TTN: variants seen among roughly 807,000 people sequenced by gnomAD.
TTN encodes titin, also known as connectin.
In TTN, 1,525 loss-of-function variants were observed where a neutral mutation model predicts 3,223.0. That is an observed-to-expected ratio of 0.47 (90% CI 0.45 to 0.49). The LOEUF (loss-of-function observed/expected upper bound fraction) is 0.49. Ranked by LOEUF, TTN falls within the 20% of genes least tolerant of loss-of-function variation. TTN has a pLI of 0.00. For missense variants in TTN, 40,786 were observed against 43,424.0 expected, an observed-to-expected ratio of 0.94 and a Z score of 5.40; for synonymous variants, 14,094 against 15,161.0, an observed-to-expected ratio of 0.93 and a Z score of 5.17.
intron 313 of TTN, 143 bp from the exon 314 acceptor site, chr2:178,582,735 C>T: frequency 1.0e-6 from 1 of 970,894 alleles, no homozygotes; most frequent in Non-Finnish European, 1.4e-6. Flanking sequence ...ATCTTAGTTT[C>T]TTCACTTGTA....
chr2:178,785,602 T>C lies in TTN; in HGVS notation c.2493+18A>G, dbSNP rs750885375. On this transcript the variant is annotated intron_variant, in intron 15 of 362. Coordinates refer to ENST00000589042, the MANE Select transcript of TTN (RefSeq NM_001267550.2). ...ATTTCCTTTAAACATTTCTGTATCA[T>C]GCTCTGTAACTTCTTACCTCATATC... is the stretch of plus-strand genomic sequence containing the variant. The C allele has an allele frequency of 4.6e-5, 75 of 1,613,822 alleles. No homozygotes were observed. The highest frequency in any genetic ancestry group is 6.7e-5 in the East Asian group (3 of 44,878).
rs994185289 is a variant in TTN at position 178,764,152 on chromosome 2, T to C, written c.10114+25A>G. 3.7e-6 allele frequency: 6 copies of C among 1,613,964 alleles called. No homozygotes were observed. The African/African-American group carries it at 8.0e-5, about 22-fold the overall frequency. On this transcript the variant is annotated intron_variant, in intron 43 of 362. Coordinates refer to ENST00000589042, the MANE Select transcript of TTN (RefSeq NM_001267550.2). ...TGTAATTATTTGTAAGTATTGGCAA[T>C]GACACCTTTTGTTCTTAAACCTACC...
At position 178,531,968 on chromosome 2, in the gene TTN, G is replaced by T; in HGVS notation, c.104647C>A (p.Arg34883Ser). The change falls in exon 358 of 363, where the codon CGC (arginine) becomes AGC (serine). Residue 34883 changes from arginine to serine, a missense_variant. Physicochemically the swap from Arg to Ser is moderately radical, Grantham distance 110 (BLOSUM62 -1). Coordinates refer to ENST00000589042, the MANE Select transcript of TTN (RefSeq NM_001267550.2). ...GACACAGGGCTGGGGGATCGTGGGC[G>T]AGTTCTCTCTGGAGTAGGTGACCTT... ...ERRSPTPERT[R>S]PRSPSPVSSE... 1 of 1,613,712 alleles carries T rather than the reference G, an allele frequency of 6.2e-7. No homozygotes were observed. The highest frequency in any genetic ancestry group is 8.5e-7 in the Non-Finnish European group (1 of 1,179,792).
chr2:178,612,621 C>T (rs760919201), intron 265 of TTN, 45 bp from the exon 266 acceptor site: 8 of 1,570,152 alleles, frequency 5.1e-6, no homozygotes, highest in Admixed American at 1.9e-5. Flanking sequence ...TTTTTTATTA[C>T]CCAATAGTCA....
Position 178,576,599 on chromosome 2 carries a change from A to G in TTN, c.69645T>C (p.Ser23215=). Reference sequence around the variant, plus strand: ...GACCAATTCCTGCTCTGTTTTCTGCACTGACACGGAATTCGTAGGTGCTTC... The same window carrying G: ...GACCAATTCCTGCTCTGTTTTCTGCGCTGACACGGAATTCGTAGGTGCTTC... ...QEGSTYEFRV[S]AENRAGIGPP... Residue 23215 remains serine (S), a synonymous_variant, in exon 325 of 363, where the codon AGT becomes AGC. Transcript: ENST00000589042. This position sits in a 1 kb window ranked among gnomAD's most constrained non-coding sequence, Gnocchi z 4.3. 1 of 1,613,572 alleles carries G rather than the reference A, an allele frequency of 6.2e-7. No homozygotes were observed. The highest frequency in any genetic ancestry group is 8.5e-7 in the Non-Finnish European group (1 of 1,179,624).
intron 72 of TTN, 40 bp downstream of exon 72, chr2:178,724,220 G>C: frequency 6.3e-7 from 1 of 1,588,574 alleles, no homozygotes; most frequent in South Asian, 1.2e-5. Flanking sequence ...CTTGTAAAAG[G>C]AATTTGCATA....
rs1329763047 is a variant in TTN, at chr2:178,565,402, G to A, written c.80730C>T (p.Asn26910=). The A allele has an allele frequency of 6.2e-7, 1 of 1,613,428 alleles. No homozygotes were observed. The highest frequency in any genetic ancestry group is 1.3e-5 in the African/African-American group (1 of 74,872). ...GCTCACCATCTTTGACCCAAGAAAT[G>A]TTAGGTCTTGGTCGGCCTATAACTG... ...EIPVIGRPRP[N]ISWVKDGEPL... is the part of the protein sequence containing the mutation. Residue 26910 remains asparagine (N), a synonymous_variant, in exon 326 of 363, where the codon AAC becomes AAT. Coordinates refer to ENST00000589042, the MANE Select transcript of TTN (RefSeq NM_001267550.2).
Position 178,563,815 on chromosome 2 carries a change from C to T in TTN, c.82317G>A (p.Glu27439=), listed in dbSNP as rs1704612735. The part of the protein sequence containing the change: ...YKVTKLLPGN[E]YIFRVMAVNK... Reference sequence around the variant, plus strand: ...TCACAGCCATGACACGGAAAATGTACTCATTACCAGGAAGAAGTTTAGTAA... The same window carrying T: ...TCACAGCCATGACACGGAAAATGTATTCATTACCAGGAAGAAGTTTAGTAA... Residue 27439 remains glutamate (E), a synonymous_variant, in exon 326 of 363, where the codon GAG becomes GAA. Transcript: ENST00000589042. This position sits in a 1 kb window ranked among gnomAD's most constrained non-coding sequence, Gnocchi z 4.5. 1.2e-6 allele frequency: 2 copies of T among 1,613,576 alleles called. No homozygotes were observed. The highest frequency in any genetic ancestry group is 1.7e-5 in the Admixed American group (1 of 59,974).
Position 178,582,561 on chromosome 2 carries a change from G to T in TTN, c.65895C>A (p.Ile21965=). 6.2e-7 allele frequency: 1 copy of T among 1,610,662 alleles called. No individual in the cohort carries two copies. The highest frequency in any genetic ancestry group is 1.1e-5 in the South Asian group (1 of 90,710). ...TAGCACGATCTGAATACATTTTGTTGATTTTAACAGATGCTGGAGGACCCG... is the reference window on the plus strand; with the variant it reads ...TAGCACGATCTGAATACATTTTGTTTATTTTAACAGATGCTGGAGGACCCG... ...DKPGPPASVK[I]NKMYSDRAML... is the part of the protein sequence containing the mutation. Residue 21965 remains isoleucine, a synonymous_variant, in exon 314 of 363, where the codon ATC becomes ATA. Transcript: ENST00000589042.
intron 150 of TTN, 124 bp from the exon 151 acceptor site, chr2:178,674,533 A>C: frequency 2.0e-6 from 1 of 499,650 alleles, no homozygotes; most frequent in Non-Finnish European, 3.4e-6. Context: ...GTCCTTAAAA[A>C]ATCTCTACTG....
chr2:178,566,420 A>C lies in TTN; in HGVS notation c.79712T>G (p.Leu26571Ter). The C allele has an allele frequency of 6.2e-7, 1 of 1,613,484 alleles. No homozygotes were observed. Among genetic ancestry groups the C allele is most frequent in the Admixed American group, 1.7e-5 (1 of 59,992 alleles). ...IRVCALNKVG[L>*]GEATSVPGTV... Reference sequence around the variant, plus strand: ...ACCAGGAACTGATGTAGCCTCACCTAAACCAACTTTGTTGAGGGCACAGAC... The same window carrying C: ...ACCAGGAACTGATGTAGCCTCACCTCAACCAACTTTGTTGAGGGCACAGAC... The change falls in exon 326 of 363, where the codon TTA becomes TGA. Residue 26571 changes from leucine (L) to a stop codon, truncating the protein, a stop_gained. Transcript: ENST00000589042. LOFTEE classifies it high-confidence loss of function.
At position 178,590,841 on chromosome 2, in the gene TTN, G is replaced by C. The variant is rs1208364622; in HGVS notation, c.60884C>G (p.Pro20295Arg). 6.2e-7 allele frequency: 1 copy of C among 1,607,286 alleles called. No homozygotes were observed. Residue 20295 changes from proline (P) to arginine (R), a missense_variant, in exon 304 of 363, where the codon CCA becomes CGA. By Grantham distance (103) the Pro-to-Arg change is moderately radical. Transcript: ENST00000589042. ...TATTGGACTGCCACCATCAGATTTTGGCAGGGTCCAAGACACTGTTGCTGC... is the reference window on the plus strand; with the variant it reads ...TATTGGACTGCCACCATCAGATTTTCGCAGGGTCCAAGACACTGTTGCTGC... ...ENAATVSWTL[P>R]KSDGGSPITG...
intron 99 of TTN, among the ~76,000 whole-genome samples, chr2:178,708,949 A>G (rs2076254924): frequency 6.6e-6 from 1 of 152,204 alleles, no homozygotes; most frequent in Non-Finnish European, 1.5e-5. Flanking sequence ...GATATCCTTA[A>G]ACAACATGGT....
In TTN at chr2:178,617,855, T is replaced by C. The variant is rs1287973819; in HGVS notation, c.47496A>G (p.Arg15832=). The C allele has an allele frequency of 1.2e-6, 2 of 1,612,598 alleles. No individual in the cohort carries two copies. Among genetic ancestry groups the C allele is most frequent in the East Asian group, 2.2e-5 (1 of 44,708 alleles). ...DVVEGQEYSF[R]VRAQNRIGVG... is the part of the protein sequence containing the mutation. ...CTCCAATTCGATTTTGGGCTCTCAC[T>C]CGGAAACTGTACTCCTGTCCTTCTA... Residue 15832 remains arginine, a synonymous_variant, in exon 253 of 363, where the codon CGA becomes CGG. Coordinates refer to ENST00000589042, the MANE Select transcript of TTN (RefSeq NM_001267550.2).
At chr2:178,759,443 T>G (rs2088346377) in intron 43 of TTN, among the ~76,000 whole-genome samples, 1 of 152,212 alleles carries the variant, frequency 6.6e-6, no homozygotes. Context: ...ACATTCTCTT[T>G]AGACATTTGC....
At chr2:178,619,057 G>A (rs2057844960) in intron 250 of TTN, 1 of 667,038 alleles carries the variant, frequency 1.5e-6, no homozygotes, top group Non-Finnish European at 2.4e-6. Context: ...GGAGAGTAGA[G>A]GATTGAGAAT....
chr2:178,752,284 G>A (rs955734359), intron 47 of TTN, among the ~76,000 whole-genome samples: 1 of 151,928 alleles, frequency 6.6e-6, no homozygotes, highest in African/African-American at 2.4e-5. Flanking sequence ...TCTTGAACAA[G>A]CAAAAATGCA....
intron 210 of TTN, 87 bp downstream of exon 210, chr2:178,650,076 CA>C: frequency 7.5e-7 from 1 of 1,334,236 alleles, no homozygotes; most frequent in Non-Finnish European, 1.0e-6. Flanking sequence ...CAACAAGATA[CA>C]AGACTGATAT....
chr2:178,739,054 GAT>G, intron 48 of TTN, 85 bp downstream of exon 48: 2 of 1,391,956 alleles, frequency 1.4e-6, no homozygotes, highest in Non-Finnish European at 1.9e-6. Flanking sequence ...GGAAGTGGCA[GAT>G]AAGTGAAAAT....
Sources: allele counts gnomAD v4.1 joint callset (sites outside exome capture counted in the v4.1 genomes callset), GRCh38; gene constraint gnomAD v4.1.1; non-coding constraint Gnocchi (gnomAD v3.1); transcripts MANE v1.5; gene names NCBI Gene and HGNC (gene_info 2026-07-23, HGNC 2026-07-21).